Variants in PAM observed in about 807,000 individuals in gnomAD.
PAM encodes the protein peptidylglycine alpha-amidating monooxygenase.
A neutral mutation model predicts 122.1 loss-of-function variants in PAM; 72 were observed. That is an observed-to-expected ratio of 0.59 (90% CI 0.49 to 0.72). The LOEUF is 0.72. PAM is among the 30% of genes least tolerant of loss of function. The pLI is 0.00. For missense variants in PAM, 1,106 were observed against 1,183.7 expected, an observed-to-expected ratio of 0.93 and a Z score of 0.96; for synonymous variants, 389 against 404.4, an observed-to-expected ratio of 0.96 and a Z score of 0.46.
chr5:102,913,881 G>A, intron 4 of PAM, 53 bp from the exon 5 acceptor site: 1 of 977,734 alleles, frequency 1.0e-6, no homozygotes, highest in South Asian at 1.3e-5. Context: ...TATGACTTTG[G>A]TGCACAGAAG....
At chr5:102,943,542 C>G (rs1008616971) in intron 7 of PAM, among the ~76,000 whole-genome samples, 1 of 152,024 alleles carries the variant, frequency 6.6e-6, no homozygotes, top group Non-Finnish European at 1.5e-5. Flanking sequence ...AGATATAGAA[C>G]CCTTGTTTTT....
chr5:102,967,517 G>C (rs373186832), intron 14 of PAM, among the ~76,000 whole-genome samples: 1 of 152,124 alleles, frequency 6.6e-6, no homozygotes, highest in Non-Finnish European at 1.5e-5. Context: ...TATCTGCTAG[G>C]ATAGGGAAAG....
At chr5:102,860,412 G>A (rs755664592) in intron 1 of PAM, among the ~76,000 whole-genome samples, 1 of 152,186 alleles carries the variant, frequency 6.6e-6, no homozygotes, top group Non-Finnish European at 1.5e-5. Context: ...TTCAAAGGAT[G>A]ATAGGAATAT....
chr5:102,836,859 CGAGAGA>C lies in PAM; in HGVS notation c.-373-28930_-373-28925del, dbSNP rs57617414. On this transcript the variant is annotated intron_variant, in intron 1 of 25. Coordinates refer to ENST00000438793, the MANE Select transcript of PAM (RefSeq NM_001177306.2). Reference sequence around the variant, plus strand: ...ATTATGGATGGACCAAGAAAGAAACCGAGAGAGAGAGAGAGAGAGAGAGAGAGAGAG... The same window carrying C: ...ATTATGGATGGACCAAGAAAGAAACCGAGAGAGAGAGAGAGAGAGAGAGAG... Among the ~76,000 whole-genome samples, 415 of 120,810 alleles carry C rather than the reference CGAGAGA, an allele frequency of 3.4e-3. 2 individuals are homozygous for C. Among genetic ancestry groups the C allele is most frequent in the South Asian group, 8.0e-3 (24 of 3,004 alleles). The allele number at this position is 120,810 out of a possible 152,430, so 79.3% of individuals were successfully genotyped here.
At chr5:102,885,031 T>C (rs1335524629) in intron 3 of PAM, among the ~76,000 whole-genome samples, 2 of 151,232 alleles carry the variant, frequency 1.3e-5, no homozygotes, top group African/African-American at 2.4e-5. Context: ...TTTCCTTTCA[T>C]AGATTTCAGA....
intron 15 of PAM, among the ~76,000 whole-genome samples, chr5:102,977,968 A>G (rs746765155): frequency 6.6e-6 from 1 of 152,142 alleles, no homozygotes; most frequent in Non-Finnish European, 1.5e-5. Context: ...ATACATGCAA[A>G]GTGCTTTGAA....
chr5:103,019,664 A>G (rs1783005069), intron 22 of PAM, 126 bp from the exon 23 acceptor site: 1 of 680,696 alleles, frequency 1.5e-6, no homozygotes, highest in African/African-American at 1.8e-5. Flanking sequence ...CTCTTTCCTA[A>G]TATAATAATG....
At chr5:102,762,480 G>C (rs1031839584) in intron 1 of PAM, among the ~76,000 whole-genome samples, 3 of 152,086 alleles carry the variant, frequency 2.0e-5, no homozygotes, top group African/African-American at 7.2e-5. Flanking sequence ...GCTGTTTATT[G>C]CATGAGTCAC....
intron 4 of PAM, among the ~76,000 whole-genome samples, chr5:102,902,379 C>T (rs1013414967): frequency 6.6e-6 from 1 of 151,510 alleles, no homozygotes; most frequent in African/African-American, 2.4e-5. Context: ...ATTACAACAG[C>T]AAATACAACC....
rs190644346 is a variant in PAM, at chr5:102,779,459, G to T, written c.-374+24111G>T. ...TGCAGATTGATGTCTTTGTTATATT[G>T]ACCACTCAGATAAAGTATTCCCCCC... On this transcript the variant is annotated intron_variant, in intron 1 of 25. Transcript: ENST00000438793. Among the ~76,000 whole-genome samples, 457 of 151,916 alleles carry T rather than the reference G, an allele frequency of 3.0e-3. 3 individuals are homozygous for T. Among genetic ancestry groups the T allele is most frequent in the African/African-American group, 0.01 (431 of 41,340 alleles).
intron 1 of PAM, among the ~76,000 whole-genome samples, chr5:102,855,255 T>G (rs1391700747): frequency 6.6e-6 from 1 of 152,154 alleles, no homozygotes; most frequent in Non-Finnish European, 1.5e-5. Context: ...AAGAAAAATT[T>G]CCATATGTTT....
chr5:102,854,414 T>C (rs1304473093), intron 1 of PAM, among the ~76,000 whole-genome samples: 1 of 152,168 alleles, frequency 6.6e-6, no homozygotes, highest in Non-Finnish European at 1.5e-5. Context: ...TATTTCACAT[T>C]TTTCTGCGAC....
At chr5:102,844,870 C>G (rs1779581659) in intron 1 of PAM, among the ~76,000 whole-genome samples, 1 of 152,130 alleles carries the variant, frequency 6.6e-6, no homozygotes, top group Admixed American at 6.6e-5. Context: ...TCGGAATGCC[C>G]TTCTCTTGAA....
intron 1 of PAM, among the ~76,000 whole-genome samples, chr5:102,787,660 T>C (rs1353157324): frequency 1.3e-5 from 2 of 151,950 alleles, no homozygotes; most frequent in East Asian, 3.9e-4. Flanking sequence ...TGTGCAGCTC[T>C]TAGCAAGGAA....
intron 21 of PAM, among the ~76,000 whole-genome samples, chr5:103,011,176 AC>A (rs1271592551): frequency 6.6e-6 from 1 of 152,226 alleles, no homozygotes; most frequent in African/African-American, 2.4e-5. Context: ...AAGGAAGACT[AC>A]CTGATGGAGA....
intron 16 of PAM, among the ~76,000 whole-genome samples, chr5:102,999,018 A>C (rs1593842): frequency 0.33 from 50,925 of 152,032 alleles, 8,729 homozygotes; most frequent in East Asian, 0.44. Context: ...GGGAAGCAAA[A>C]ACGTCCTTCA....
At chr5:103,021,126 A>G (rs1051062658) in intron 23 of PAM, among the ~76,000 whole-genome samples, 3 of 152,176 alleles carry the variant, frequency 2.0e-5, no homozygotes, top group African/African-American at 7.2e-5. Context: ...CCATGTAATA[A>G]CTGCTATTAT....
intron 21 of PAM, among the ~76,000 whole-genome samples, chr5:103,012,818 T>C (rs1316512311): frequency 2.7e-5 from 4 of 146,662 alleles, no homozygotes; most frequent in Non-Finnish European, 5.9e-5. Flanking sequence ...ATCGTGCCAC[T>C]GCACTCCAGC....
intron 1 of PAM, among the ~76,000 whole-genome samples, chr5:102,816,019 T>A (rs1769657822): frequency 1.3e-5 from 2 of 152,134 alleles, no homozygotes; most frequent in Non-Finnish European, 2.9e-5. Context: ...GGTTTAGCGG[T>A]TTTTAAACTT....
Sources: gnomAD v4.1 joint callset for allele counts (sites outside exome capture counted in the v4.1 genomes callset) on GRCh38, gnomAD v4.1.1 for gene constraint, MANE v1.5 for transcripts, NCBI Gene and HGNC (gene_info 2026-07-23, HGNC 2026-07-21) for gene names.